The following CAMK1D variants were observed in gnomAD, a reference collection of about 807,000 sequenced individuals.
The protein encoded by CAMK1D is calcium/calmodulin dependent protein kinase ID, also known as calcium/calmodulin-dependent protein kinase type 1D.
A neutral mutation model predicts 47.7 loss-of-function variants in CAMK1D; 9 were observed. The ratio of observed to expected loss-of-function variants is 0.19; its 90% CI spans 0.11 to 0.33. The LOEUF (loss-of-function observed/expected upper bound fraction) is 0.33. Among genes scored for constraint, CAMK1D ranks in the 10% least tolerant of loss-of-function variants. CAMK1D has a pLI of 1.00. For missense variants in CAMK1D, 291 were observed against 488.7 expected (o/e 0.60, Z 3.81); for synonymous variants, 184 against 184.9 (o/e 0.99, Z 0.04).
chr10:12,520,843 C>T (rs1477996617), intron 1 of CAMK1D, among the ~76,000 whole-genome samples: 9 of 50,760 alleles, frequency 1.8e-4, no homozygotes, highest in African/African-American at 6.2e-4. Context: ...GCAGGAGAAT[C>T]AGGCAGGGAG....
intron 3 of CAMK1D, among the ~76,000 whole-genome samples, chr10:12,742,309 A>C (rs1835468322): frequency 6.6e-6 from 1 of 151,814 alleles, no homozygotes; most frequent in Non-Finnish European, 1.5e-5. Flanking sequence ...TAACTTTTAA[A>C]TTTTTAGTAG....
chr10:12,377,216 T>C (rs1399325022), intron 1 of CAMK1D, among the ~76,000 whole-genome samples: 1 of 151,128 alleles, frequency 6.6e-6, no homozygotes, highest in Non-Finnish European at 1.5e-5. Flanking sequence ...AAAAAAATGT[T>C]CTTCCCAGTG....
In CAMK1D at chr10:12,552,457, C is replaced by T. The variant is rs79429460; in HGVS notation, c.93-768C>T. On this transcript the variant is annotated intron_variant, in intron 1 of 10. Coordinates refer to ENST00000619168, the MANE Select transcript of CAMK1D (RefSeq NM_153498.4). The stretch of plus-strand genomic sequence containing the variant: ...TGGGAAGAGTCCAGTGTTTGCAGAG[C>T]GCTCTGAAATTTCCTCTAGATGAAA... 2.6e-3 allele frequency among the ~76,000 whole-genome samples: 394 copies of T among 152,286 alleles called. 3 individuals carry two copies. Among genetic ancestry groups the T allele is most frequent in the African/African-American group, 9.1e-3 (376 of 41,544 alleles).
chr10:12,678,784 AT>A (rs1008030476), intron 3 of CAMK1D, among the ~76,000 whole-genome samples: 7 of 150,132 alleles, frequency 4.7e-5, no homozygotes, highest in Admixed American at 4.0e-4. Context: ...TAATCCAATA[AT>A]TTTTTTTTTG....
chr10:12,368,743 CAA>C (rs566501661), intron 1 of CAMK1D, among the ~76,000 whole-genome samples: 53 of 124,306 alleles, frequency 4.3e-4, no homozygotes, highest in Admixed American at 4.0e-4. Context: ...GACCCTGTCT[CAA>C]AAAAAAAAAA....
chr10:12,403,847 T>A (rs2131923270), intron 1 of CAMK1D, among the ~76,000 whole-genome samples: 1 of 152,200 alleles, frequency 6.6e-6, no homozygotes, highest in South Asian at 2.1e-4. Flanking sequence ...GTAGGGTGGT[T>A]GTTTTGGCCC....
intron 3 of CAMK1D, among the ~76,000 whole-genome samples, chr10:12,734,463 T>TATGTATATATACAC: frequency 2.2e-4 from 1 of 4,578 alleles, no homozygotes; most frequent in Admixed American, 5.6e-3. Flanking sequence ...TATATACACA[T>TATGTATATATACAC]ACACATATGT....
chr10:12,588,967 TTACA>T (rs766305388), intron 2 of CAMK1D, among the ~76,000 whole-genome samples: 5 of 151,762 alleles, frequency 3.3e-5, no homozygotes, highest in South Asian at 2.1e-4. Flanking sequence ...CAGGTGCATG[TTACA>T]TACATACATA....
At chr10:12,674,599 C>CTTTTTTTTTTTTTTTTTTTTTTT (rs11391139) in intron 3 of CAMK1D, among the ~76,000 whole-genome samples, 1 of 63,472 alleles carries the variant, frequency 1.6e-5, no homozygotes, top group African/African-American at 6.6e-5. Context: ...TGGAAAAATG[C>CTTTTTTTTTTTTTTTTTTTTTTT]TTTTTTTTTT....
At position 12,623,083 on chromosome 10, in the gene CAMK1D, TCCTC is replaced by T. The variant is rs1304984662; in HGVS notation, c.225-43645_225-43642del. Among the ~76,000 whole-genome samples the T allele has an allele frequency of 3.4e-5, 3 of 89,312 alleles. No individual in the cohort carries two copies. In the South Asian group the frequency reaches 1.6e-3, roughly 47 times the overall value. 58.6% of individuals were successfully genotyped at this position (89,312 alleles called of 152,430 possible). A position where few individuals can be genotyped will look rare whatever the true frequency, so the allele number is the denominator to read the frequency against. On this transcript the variant is annotated intron_variant, in intron 2 of 10. Transcript: ENST00000619168. ...TCCCTCCCTTCCTCCCTTCCTTCCT[TCCTC>T]CCTCCCTTCCTCCATCGCTCCCTCC...
intron 1 of CAMK1D, among the ~76,000 whole-genome samples, chr10:12,383,261 A>ATTT (rs555841097): frequency 3.9e-4 from 57 of 148,024 alleles, no homozygotes; most frequent in African/African-American, 1.4e-3. Context: ...GATCTTTCCA[A>ATTT]TTTTTTTTTT....
At chr10:12,749,443 T>TAA (rs60406640) in intron 3 of CAMK1D, among the ~76,000 whole-genome samples, 14,680 of 119,092 alleles carry the variant, frequency 0.12, 1,165 homozygotes, top group Admixed American at 0.15. Context: ...GCTAGAAAGT[T>TAA]AAAAAAAAAA....
chr10:12,659,523 A>G (rs1840213652), intron 2 of CAMK1D, among the ~76,000 whole-genome samples: 1 of 152,192 alleles, frequency 6.6e-6, no homozygotes, highest in Non-Finnish European at 1.5e-5. Flanking sequence ...CCATCTGGCC[A>G]ATATTTCAGT....
intron 1 of CAMK1D, among the ~76,000 whole-genome samples, chr10:12,438,239 C>T (rs890838188): frequency 1.3e-5 from 2 of 152,148 alleles, no homozygotes; most frequent in Admixed American, 6.5e-5. Flanking sequence ...GTGGGTCCTT[C>T]GCCTTGAGCT....
At chr10:12,825,902 T>G (rs1833190552) in intron 10 of CAMK1D, 3 of 693,710 alleles carry the variant, frequency 4.3e-6, no homozygotes, top group Non-Finnish European at 6.9e-6. Flanking sequence ...TTTGGGAGGC[T>G]GAGGCAGGAG....
At chr10:12,555,827 A>ATTTTT (rs1836742931) in intron 2 of CAMK1D, among the ~76,000 whole-genome samples, 1 of 152,188 alleles carries the variant, frequency 6.6e-6, no homozygotes, top group Admixed American at 6.5e-5. Context: ...GGAGGAAGTC[A>ATTTTT]GTTTCATTTT....
At chr10:12,540,909 A>G (rs1329520473) in intron 1 of CAMK1D, among the ~76,000 whole-genome samples, 1 of 146,696 alleles carries the variant, frequency 6.8e-6, no homozygotes, top group Admixed American at 7.1e-5. Context: ...GTTAATGAGA[A>G]CCTGAGTTAT....
chr10:12,616,586 C>G (rs1013862096), intron 2 of CAMK1D, among the ~76,000 whole-genome samples: 2 of 151,790 alleles, frequency 1.3e-5, no homozygotes, highest in Non-Finnish European at 2.9e-5. Context: ...GGTGTGATCT[C>G]GGCTCACTGC....
At chr10:12,546,514 G>A (rs879463691) in intron 1 of CAMK1D, among the ~76,000 whole-genome samples, 1 of 152,082 alleles carries the variant, frequency 6.6e-6, no homozygotes, top group Non-Finnish European at 1.5e-5. Context: ...GAGAAGGTGA[G>A]GTTTGCACAT....
Sources: allele counts gnomAD v4.1 joint callset (sites outside exome capture counted in the v4.1 genomes callset), GRCh38; gene constraint gnomAD v4.1.1; transcripts MANE v1.5; gene names NCBI Gene and HGNC (gene_info 2026-07-23, HGNC 2026-07-21).